Variants in IQCB1 observed in about 807,000 individuals in gnomAD.
IQCB1 encodes the protein IQ motif containing B1.
A neutral mutation model predicts 84.4 loss-of-function variants in IQCB1; 56 were observed. That is an observed-to-expected ratio of 0.66 (90% confidence interval 0.54 to 0.83). The LOEUF (loss-of-function observed/expected upper bound fraction) is 0.83, where lower values mean the gene tolerates loss of function less well. Ranked by LOEUF, IQCB1 falls within the 40% of genes least tolerant of loss-of-function variation. The pLI is 0.00. For missense variants in IQCB1, 629 were observed against 682.1 expected, an observed-to-expected ratio of 0.92 and a Z score of 0.87; for synonymous variants, 210 against 234.8, an observed-to-expected ratio of 0.89 and a Z score of 0.96.
chr3:121,781,854 C>T lies in IQCB1; in HGVS notation c.1299G>A (p.Lys433=). 6.2e-7 allele frequency: 1 copy of T among 1,613,578 alleles called. No individual in the cohort carries two copies. The highest frequency in any genetic ancestry group is 8.5e-7 in the Non-Finnish European group (1 of 1,179,660). ...CAAATAGTTTCTTTTTCTTACGGCA[C>T]TTCGCTAGGAATTTAAGCGCCTGGA... ...LQRAALKFLA[K]CRKKKKLFAP... is the part of the protein sequence containing the mutation. The change falls in exon 13 of 15, where the codon AAG becomes AAA. Residue 433 remains lysine (K), a synonymous_variant. Transcript: ENST00000310864.
chr3:121,774,793 T>C (rs1237433573), intron 13 of IQCB1, among the ~76,000 whole-genome samples: 1 of 152,132 alleles, frequency 6.6e-6, no homozygotes, highest in Admixed American at 6.5e-5. Context: ...TTCTGCAAGA[T>C]GAAAAAAGTT....
At chr3:121,806,385 C>T (rs1028205367) in intron 7 of IQCB1, among the ~76,000 whole-genome samples, 3 of 152,074 alleles carry the variant, frequency 2.0e-5, no homozygotes, top group Non-Finnish European at 4.4e-5. Context: ...TCCCCGTTGC[C>T]TATAGGATTA....
At chr3:121,801,274 C>T (rs970175979) in intron 7 of IQCB1, among the ~76,000 whole-genome samples, 1 of 152,056 alleles carries the variant, frequency 6.6e-6, no homozygotes, top group Admixed American at 6.6e-5. Flanking sequence ...TACCTATTCA[C>T]CTGATGGACA....
Position 121,788,157 on chromosome 3 carries a change from A to T in IQCB1, c.1278+127T>A. 7.4e-6 allele frequency: 7 copies of T among 949,698 alleles called. No individual in the cohort carries two copies. The Admixed American group carries it at 1.4e-4, about 19-fold the overall frequency. The allele number at this position is 949,698 out of a possible 1,614,324, so 58.8% of individuals were successfully genotyped here. A position where few individuals can be genotyped will look rare whatever the true frequency, so the allele number is the denominator to read the frequency against. ...GTAAGGGGTTTTTCTTTTACAAAAG[A>T]AAAAACTAAGGCTCAAGAAAACTAA... On this transcript the variant is annotated intron_variant, in intron 12 of 14. Transcript: ENST00000310864.
chr3:121,832,332 T>G (rs1435944830), intron 2 of IQCB1, among the ~76,000 whole-genome samples: 1 of 151,064 alleles, frequency 6.6e-6, no homozygotes, highest in Non-Finnish European at 1.5e-5. Flanking sequence ...TTACAATTTT[T>G]TTTTTTTTTT....
At position 121,790,190 on chromosome 3, in the gene IQCB1, C is replaced by T. The variant is rs769627965; in HGVS notation, c.1012G>A (p.Glu338Lys). The T allele has an allele frequency of 6.2e-7, 1 of 1,613,648 alleles. No individual in the cohort carries two copies. The highest frequency in any genetic ancestry group is 8.5e-7 in the Non-Finnish European group (1 of 1,179,688). The change falls in exon 11 of 15, where the codon GAG (glutamate) becomes AAG (lysine). Residue 338 changes from glutamate to lysine, a missense_variant. Coordinates refer to ENST00000310864, the MANE Select transcript of IQCB1 (RefSeq NM_001023570.4). ...FRSKRSKMLL[E>K]INRQKEEEDL... is the part of the protein sequence containing the mutation. ...TCTTCTTCCTTCTGCCTATTTATCT[C>T]CAGCAACATCTTTGATCGTTTGGAT...
At chr3:121,794,245 C>G (rs775719228) in intron 10 of IQCB1, among the ~76,000 whole-genome samples, 9 of 152,050 alleles carry the variant, frequency 5.9e-5, no homozygotes, top group Non-Finnish European at 1.0e-4. Context: ...ATTTGTTTAC[C>G]TAGATTTGTA....
chr3:121,770,772 T>C (rs1947946475), intron 14 of IQCB1, among the ~76,000 whole-genome samples, 198 bp from the exon 15 acceptor site: 1 of 152,144 alleles, frequency 6.6e-6, no homozygotes, highest in Non-Finnish European at 1.5e-5. Context: ...AGCCTCAACC[T>C]CCTGGGCTCA....
chr3:121,792,909 T>C (rs1949049015), intron 10 of IQCB1, among the ~76,000 whole-genome samples: 1 of 152,200 alleles, frequency 6.6e-6, no homozygotes, highest in Non-Finnish European at 1.5e-5. Context: ...TAAGAATTAG[T>C]AGGCACTGGA....
At position 121,786,950 on chromosome 3, in the gene IQCB1, A is replaced by T. The variant is rs558781584; in HGVS notation, c.1278+1334T>A. Among the ~76,000 whole-genome samples the T allele has an allele frequency of 5.3e-5, 8 of 152,332 alleles. No homozygotes were observed. In the South Asian group the frequency reaches 1.7e-3, roughly 32 times the overall value. The stretch of plus-strand genomic sequence containing the variant: ...GGTATTTATGAGGTAAAAGTATTAG[A>T]AAGAAGCCAAAGCTTCCTCCAAAGG... On this transcript the variant is annotated intron_variant, in intron 12 of 14. Coordinates refer to ENST00000310864, the MANE Select transcript of IQCB1 (RefSeq NM_001023570.4).
chr3:121,774,133 A>C (rs1301627750), intron 13 of IQCB1, among the ~76,000 whole-genome samples: 1 of 152,232 alleles, frequency 6.6e-6, no homozygotes, highest in East Asian at 1.9e-4. Context: ...ACTTGAACAG[A>C]CATTTCTGCA....
chr3:121,799,204 CA>C lies in IQCB1; in HGVS notation c.757del (p.Cys253AlafsTer9), dbSNP rs1949313357. 1.2e-6 allele frequency: 2 copies of C among 1,605,690 alleles called. No homozygotes were observed. ...EILILLRQST[C>X]YKGLRRLLSK... ...AAGAATGAATGTACTACCTTTGTAG[CA>C]GGTACTTTGTCTCAGTAAAATCAAA... On this transcript the variant is annotated frameshift_variant, in exon 8 of 15. Transcript: ENST00000310864. LOFTEE classifies it high-confidence loss of function.
chr3:121,781,673 T>G, intron 13 of IQCB1, 70 bp downstream of exon 13: 4 of 1,308,502 alleles, frequency 3.1e-6, no homozygotes, highest in Non-Finnish European at 4.4e-6. Flanking sequence ...AATATATGTG[T>G]GTGTGTGTAC....
At chr3:121,797,509 G>A (rs999234537) in intron 8 of IQCB1, among the ~76,000 whole-genome samples, 18 of 150,402 alleles carry the variant, frequency 1.2e-4, no homozygotes, top group African/African-American at 3.6e-4. Context: ...AAAAAGGAGT[G>A]GGATGGAATC....
At chr3:121,832,467 C>T (rs1950679113) in intron 2 of IQCB1, among the ~76,000 whole-genome samples, 1 of 151,970 alleles carries the variant, frequency 6.6e-6, no homozygotes, top group African/African-American at 2.4e-5. Context: ...GCTGGGATTA[C>T]AGGCGTGTGC....
At chr3:121,809,070 T>TA in intron 5 of IQCB1, 61 bp from the exon 6 acceptor site, 1 of 901,286 alleles carries the variant, frequency 1.1e-6, no homozygotes, top group Non-Finnish European at 1.7e-6. Context: ...TTTTTTTTTT[T>TA]AAGGAGACTT....
rs1023611369 is a variant in IQCB1 at position 121,826,046 on chromosome 3, C to T, written c.393+5G>A. On this transcript the variant is annotated splice_donor_5th_base_variant and intron_variant, in intron 5 of 14. Transcript: ENST00000310864. ...TTAGCTACAAAAGACTAAATAAACA[C>T]ATACCTTAGCTGCATTGATAAAACA... The T allele has an allele frequency of 6.2e-7, 1 of 1,611,182 alleles. No homozygotes were observed. Among genetic ancestry groups the T allele is most frequent in the Admixed American group, 1.7e-5 (1 of 59,942 alleles).
intron 13 of IQCB1, among the ~76,000 whole-genome samples, chr3:121,777,574 C>T (rs1948281127): frequency 6.6e-6 from 1 of 152,140 alleles, no homozygotes; most frequent in African/African-American, 2.4e-5. Context: ...GCTGTAATTA[C>T]CATTTCCAGT....
chr3:121,778,339 CTG>C (rs1026307635), intron 13 of IQCB1, among the ~76,000 whole-genome samples: 2 of 151,858 alleles, frequency 1.3e-5, no homozygotes, highest in African/African-American at 4.8e-5. Flanking sequence ...TTACTGTTGA[CTG>C]TTTATTTTGC....
Sources: allele counts gnomAD v4.1 joint callset (sites outside exome capture counted in the v4.1 genomes callset), GRCh38; gene constraint gnomAD v4.1.1; transcripts MANE v1.5; gene names NCBI Gene and HGNC (gene_info 2026-07-23, HGNC 2026-07-21).